CAST: variants seen among roughly 807,000 people sequenced by gnomAD.
CAST encodes MIR583 host.
CAST carries 76 observed loss-of-function variants against 119.6 expected under a neutral mutation model. The observed-to-expected ratio is 0.64, with a 90% CI of 0.53 to 0.77. CAST has a LOEUF of 0.77. Among genes scored for constraint, CAST ranks in the 30% least tolerant of loss-of-function variants. The pLI, the probability that CAST is intolerant of heterozygous loss-of-function variation, is 0.00. For synonymous variants in CAST, 319 were observed against 331.6 expected, an observed-to-expected ratio of 0.96 and a Z score of 0.41; for missense variants, 953 against 946.5, an observed-to-expected ratio of 1.01 and a Z score of -0.09.
the CAST span, among the ~76,000 whole-genome samples, chr5:96,506,354 A>T: frequency 6.6e-6 from 1 of 152,258 alleles, no homozygotes; most frequent in Non-Finnish European, 1.5e-5. Flanking sequence ...CAAGTATCAG[A>T]GCAGCTGATT....
the CAST span, among the ~76,000 whole-genome samples, chr5:96,327,581 T>C: frequency 6.6e-6 from 1 of 152,336 alleles, no homozygotes; most frequent in South Asian, 2.1e-4. Flanking sequence ...CAACACTCAG[T>C]GGAATAATGG....
chr5:96,701,791 C>CGA (rs1455769787), intron 3 of CAST, among the ~76,000 whole-genome samples: 1 of 143,924 alleles, frequency 6.9e-6, no homozygotes, highest in Non-Finnish European at 1.5e-5. Context: ...GGCCACATAG[C>CGA]GAGAATCCCA....
chr5:96,618,803 G>A (rs971012946), intron 1 of CAST, among the ~76,000 whole-genome samples: 1 of 152,192 alleles, frequency 6.6e-6, no homozygotes, highest in African/African-American at 2.4e-5. Flanking sequence ...CCCACCCCGT[G>A]GGCTCCCGGG....
intron 1 of CAST, among the ~76,000 whole-genome samples, chr5:96,577,567 C>G (rs932259125): frequency 2.0e-5 from 3 of 152,010 alleles, no homozygotes; most frequent in Admixed American, 2.0e-4. Flanking sequence ...CCCACATAAT[C>G]TCATATGTTG....
At chr5:96,750,768 T>G (rs963513604) in intron 20 of CAST, 86 bp downstream of exon 20, 1 of 719,416 alleles carries the variant, frequency 1.4e-6, no homozygotes, top group East Asian at 2.7e-5. Flanking sequence ...TTACCATCAT[T>G]TTATCTTATC....
the CAST span, chr5:96,379,781 A>G: frequency 1.3e-3 from 199 of 152,274 alleles, 1 homozygote; most frequent in African/African-American, 4.5e-3. Context: ...GCATAAGTTC[A>G]TTTCTCCTCA....
chr5:96,005,284 C>T, the CAST span, among the ~76,000 whole-genome samples: 50 of 152,190 alleles, frequency 3.3e-4, no homozygotes, highest in Middle Eastern at 6.8e-3. Context: ...GGCATCAGTC[C>T]TAGAGAGCCT....
At chr5:96,491,102 C>T in the CAST span, among the ~76,000 whole-genome samples, 5 of 151,868 alleles carry the variant, frequency 3.3e-5, no homozygotes, top group African/African-American at 4.8e-5. Flanking sequence ...AAGAGAATAT[C>T]GAAACATGAA....
chr5:96,293,324 A>G, the CAST span, among the ~76,000 whole-genome samples: 3,493 of 152,166 alleles, frequency 0.023, 49 homozygotes, highest in South Asian at 0.064. Context: ...TTTTGCCCAG[A>G]CTGGAGTGCA....
At chr5:96,092,398 G>A in the CAST span, among the ~76,000 whole-genome samples, 1 of 152,150 alleles carries the variant, frequency 6.6e-6, no homozygotes, top group African/African-American at 2.4e-5. Flanking sequence ...AAAAACATTT[G>A]CTCTTTCAGG....
At chr5:96,550,767 C>G (rs1746111656) in intron 1 of CAST, among the ~76,000 whole-genome samples, 1 of 152,114 alleles carries the variant, frequency 6.6e-6, no homozygotes, top group East Asian at 1.9e-4. Flanking sequence ...CTTCATAAAG[C>G]ATACACAAGC....
intron 1 of CAST, among the ~76,000 whole-genome samples, chr5:96,618,039 G>C (rs1176817553): frequency 6.6e-6 from 1 of 152,114 alleles, no homozygotes; most frequent in African/African-American, 2.4e-5. Context: ...TTCTAGGGGT[G>C]TTAACTGAGG....
chr5:96,301,786 G>A, the CAST span, among the ~76,000 whole-genome samples: 2 of 152,224 alleles, frequency 1.3e-5, no homozygotes, highest in Non-Finnish European at 2.9e-5. Flanking sequence ...CTGTGGCCCT[G>A]CAGTGTACAG....
At chr5:96,732,782 A>G (rs1008659569) in intron 9 of CAST, among the ~76,000 whole-genome samples, 13 of 152,162 alleles carry the variant, frequency 8.5e-5, no homozygotes, top group Non-Finnish European at 1.3e-4. Context: ...ACAAAAATCA[A>G]TTCAAGATGG....
chr5:96,337,996 C>G, the CAST span, among the ~76,000 whole-genome samples: 140,549 of 152,240 alleles, frequency 0.92, 65,050 homozygotes, highest in African/African-American at 0.97. Context: ...TCTTAGCCTA[C>G]TCTATCCAGC....
the CAST span, among the ~76,000 whole-genome samples, chr5:96,146,701 GTAAC>G: frequency 1.3e-5 from 2 of 151,998 alleles, no homozygotes; most frequent in Non-Finnish European, 1.5e-5. Context: ...TTTTGTCAGG[GTAAC>G]TAACCCTAGT....
At chr5:96,348,366 G>T in the CAST span, among the ~76,000 whole-genome samples, 1 of 151,678 alleles carries the variant, frequency 6.6e-6, no homozygotes, top group African/African-American at 2.4e-5. Context: ...TTTGAAGGAG[G>T]CCTGGGAGAG....
chr5:96,154,868 G>C, the CAST span, among the ~76,000 whole-genome samples: 1 of 152,192 alleles, frequency 6.6e-6, no homozygotes, highest in Admixed American at 6.5e-5. Flanking sequence ...AGTTATCACT[G>C]TTAATGATGA....
intron 1 of CAST, among the ~76,000 whole-genome samples, chr5:96,553,618 C>G (rs1425383309): frequency 6.6e-6 from 1 of 152,190 alleles, no homozygotes; most frequent in Admixed American, 6.5e-5. Context: ...CAAATTGTCT[C>G]TGTTTGCAGA....
Sources: allele counts gnomAD v4.1 joint callset (sites outside exome capture counted in the v4.1 genomes callset), GRCh38; gene constraint gnomAD v4.1.1; transcripts MANE v1.5; gene names NCBI Gene and HGNC (gene_info 2026-07-23, HGNC 2026-07-21).